SCARA5: variants seen among roughly 807,000 people sequenced by gnomAD.
SCARA5 encodes scavenger receptor class A member 5.
In SCARA5, 45 loss-of-function variants were observed where a neutral mutation model predicts 46.3. The ratio of observed to expected loss-of-function variants is 0.97; its 90% CI spans 0.76 to 1.24. SCARA5 has a LOEUF of 1.24. SCARA5 is among the 50% of genes most tolerant of loss of function. The pLI is 0.00. For synonymous variants in SCARA5, 333 were observed against 306.5 expected (o/e 1.09, Z -0.90); for missense variants, 680 against 689.0 (o/e 0.99, Z 0.15).
rs1169882267 is a variant in SCARA5, at chr8:27,988,489, G to A, written c.-15-859C>T. On this transcript the variant is annotated intron_variant, in intron 1 of 8. Coordinates refer to ENST00000354914, the MANE Select transcript of SCARA5 (RefSeq NM_173833.6). ...TGTAAGACATGCACGCGTAAGGTGC[G>A]TGTGGATGTAAGACGCTATGATGGC... 3.9e-5 allele frequency among the ~76,000 whole-genome samples: 6 copies of A among 152,368 alleles called. No individual in the cohort carries two copies. In the South Asian group the frequency reaches 6.2e-4, roughly 16 times the overall value.
chr8:27,950,410 G>A (rs1382784682), intron 3 of SCARA5, among the ~76,000 whole-genome samples: 1 of 73,882 alleles, frequency 1.4e-5, no homozygotes, highest in Non-Finnish European at 3.1e-5. Flanking sequence ...TCATGCCCGT[G>A]CTTGGGGGGC....
rs186268834 is a variant in SCARA5, at chr8:27,872,173, C to T, written c.1352-103G>A. The T allele has an allele frequency of 3.2e-6, 4 of 1,260,934 alleles. No homozygotes were observed. In the Admixed American group the frequency reaches 7.3e-5, roughly 23 times the overall value. 78.1% of individuals were successfully genotyped at this position (1,260,934 alleles called of 1,614,324 possible). ...GCCCTTGACTTGGCTCTGCTGTACA[C>T]TCAAACCTAGGGGCTTCCAGCTGCC... On this transcript the variant is annotated intron_variant, in intron 8 of 8. Transcript: ENST00000354914.
intron 3 of SCARA5, among the ~76,000 whole-genome samples, chr8:27,959,606 T>C (rs1325829341): frequency 1.3e-5 from 2 of 152,214 alleles, no homozygotes; most frequent in African/African-American, 4.8e-5. Context: ...GTGGAGGAAC[T>C]GGGTTCACTT....
chr8:27,977,037 G>A (rs1302339239), intron 2 of SCARA5, among the ~76,000 whole-genome samples: 1 of 152,174 alleles, frequency 6.6e-6, no homozygotes, highest in Non-Finnish European at 1.5e-5. Flanking sequence ...CACAGTTCTG[G>A]AGGCTGGAAG....
chr8:27,945,157 A>G (rs1282147795), intron 3 of SCARA5, among the ~76,000 whole-genome samples: 1 of 151,826 alleles, frequency 6.6e-6, no homozygotes, highest in Non-Finnish European at 1.5e-5. Flanking sequence ...TGGGAATGAG[A>G]CTGTAAAAAA....
intron 6 of SCARA5, among the ~76,000 whole-genome samples, chr8:27,906,569 T>C (rs1305455833): frequency 2.6e-5 from 4 of 152,244 alleles, no homozygotes; most frequent in African/African-American, 9.6e-5. Flanking sequence ...TCTGGTTACA[T>C]CTCTGGGCTG....
chr8:27,925,657 C>T (rs555470853), intron 3 of SCARA5, among the ~76,000 whole-genome samples: 10 of 151,956 alleles, frequency 6.6e-5, no homozygotes, highest in African/African-American at 1.5e-4. Context: ...AGGGTGAGCA[C>T]GCAACCTACA....
At chr8:27,982,849 C>A (rs1808645314) in intron 2 of SCARA5, among the ~76,000 whole-genome samples, 1 of 151,912 alleles carries the variant, frequency 6.6e-6, no homozygotes. Context: ...TCTCACCTGG[C>A]AAGTGAAGAA....
At chr8:27,887,879 C>T (rs1055157305) in intron 7 of SCARA5, among the ~76,000 whole-genome samples, 8 of 152,160 alleles carry the variant, frequency 5.3e-5, no homozygotes, top group Non-Finnish European at 1.2e-4. Context: ...AAGCAATAGT[C>T]AAAGAAGTTA....
intron 3 of SCARA5, 75 bp downstream of exon 3, chr8:27,966,339 T>G: frequency 6.9e-7 from 1 of 1,445,794 alleles, no homozygotes; most frequent in Non-Finnish European, 9.3e-7. Flanking sequence ...CTCATGACAG[T>G]GGGAATGAAG....
Position 27,872,069 on chromosome 8 carries a change from G to T in SCARA5, c.1353C>A (p.Gly451=). 1 of 1,614,218 alleles carries T rather than the reference G, an allele frequency of 6.2e-7. No individual in the cohort carries two copies. The highest frequency in any genetic ancestry group is 8.5e-7 in the Non-Finnish European group (1 of 1,180,026). ...EVYRTARFGQ[G]TGRIWMDDVA... ...CGTCATCCATCCAGATCCTCCCAGTGCCTGTGGAGACAGGGAAACACAGCT... is the reference window on the plus strand; with the variant it reads ...CGTCATCCATCCAGATCCTCCCAGTTCCTGTGGAGACAGGGAAACACAGCT... Residue 451 remains glycine, a splice_region_variant and synonymous_variant, in exon 9 of 9, where the codon GGC becomes GGA. Transcript: ENST00000354914.
chr8:27,933,969 A>G (rs1344594226), intron 3 of SCARA5, among the ~76,000 whole-genome samples: 1 of 152,238 alleles, frequency 6.6e-6, no homozygotes, highest in Admixed American at 6.5e-5. Context: ...AGAAAATGAA[A>G]AAGGAAGCTA....
chr8:27,972,164 A>T (rs1352756102), intron 2 of SCARA5, among the ~76,000 whole-genome samples: 6 of 152,042 alleles, frequency 3.9e-5, no homozygotes, highest in African/African-American at 1.5e-4. Context: ...TAAAAATACA[A>T]AAATTAGCTG....
intron 7 of SCARA5, among the ~76,000 whole-genome samples, chr8:27,892,646 G>A (rs191623032): frequency 8.1e-6 from 1 of 122,766 alleles, no homozygotes; most frequent in South Asian, 2.6e-4. Context: ...GTCAAGCTCT[G>A]TTGCCCAGGC....
At chr8:27,902,932 T>TG (rs1330342756) in intron 7 of SCARA5, among the ~76,000 whole-genome samples, 1 of 152,078 alleles carries the variant, frequency 6.6e-6, no homozygotes, top group Non-Finnish European at 1.5e-5. Context: ...GAGGTGAGTG[T>TG]GGGGGGTCCA....
chr8:27,919,380 C>T (rs1278475500), intron 4 of SCARA5, among the ~76,000 whole-genome samples: 1 of 152,036 alleles, frequency 6.6e-6, no homozygotes, highest in African/African-American at 2.4e-5. Flanking sequence ...ACGAGATGTG[C>T]CCCACTAGAC....
At position 27,962,607 on chromosome 8, in the gene SCARA5, G is replaced by A. The variant is rs1233190478; in HGVS notation, c.241+3807C>T. 2.0e-5 allele frequency among the ~76,000 whole-genome samples: 3 copies of A among 152,274 alleles called. No homozygotes were observed. The East Asian group carries it at 5.8e-4, about 29-fold the overall frequency. Reference sequence around the variant, plus strand: ...TGAGCATATTGTTCTTTCCTGCAAAGTCCAGGGACAGACCTGCTTGAAACA... The same window carrying A: ...TGAGCATATTGTTCTTTCCTGCAAAATCCAGGGACAGACCTGCTTGAAACA... On this transcript the variant is annotated intron_variant, in intron 3 of 8. Coordinates refer to ENST00000354914, the MANE Select transcript of SCARA5 (RefSeq NM_173833.6).
chr8:27,952,364 AC>A (rs1808141722), intron 3 of SCARA5, among the ~76,000 whole-genome samples: 1 of 152,174 alleles, frequency 6.6e-6, no homozygotes, highest in South Asian at 2.1e-4. Flanking sequence ...GGAGATGGAC[AC>A]AGCTGGGTGG....
chr8:27,886,670 C>T (rs1040164980), intron 7 of SCARA5, among the ~76,000 whole-genome samples: 5 of 152,204 alleles, frequency 3.3e-5, no homozygotes, highest in African/African-American at 1.2e-4. Flanking sequence ...ACAGTGACTA[C>T]CCTCTAGCCT....
Sources: gnomAD v4.1 joint callset for allele counts (sites outside exome capture counted in the v4.1 genomes callset) on GRCh38, gnomAD v4.1.1 for gene constraint, MANE v1.5 for transcripts, NCBI Gene and HGNC (gene_info 2026-07-23, HGNC 2026-07-21) for gene names.